The following MAGI2 variants were observed in gnomAD, a reference collection of about 807,000 sequenced individuals.
MAGI2 encodes the protein membrane-associated guanylate kinase, WW and PDZ domain-containing protein 2.
A neutral mutation model predicts 133.3 loss-of-function variants in MAGI2; 35 were observed. That is an observed-to-expected ratio of 0.26 (90% CI 0.20 to 0.35). MAGI2 has a LOEUF of 0.35. Ranked by LOEUF, MAGI2 falls within the 10% of genes least tolerant of loss-of-function variation. The probability of loss-of-function intolerance (pLI) is 1.00; values close to 1 mark genes in which losing one functional copy is unlikely to be tolerated. For synonymous variants in MAGI2, 729 were observed against 710.6 expected, an observed-to-expected ratio of 1.03 and a Z score of -0.41; for missense variants, 1,636 against 1,863.4, an observed-to-expected ratio of 0.88 and a Z score of 2.25.
chr7:78,975,067 G>C (rs1382373205), intron 2 of MAGI2, among the ~76,000 whole-genome samples: 1 of 151,662 alleles, frequency 6.6e-6, no homozygotes, highest in African/African-American at 2.4e-5. Context: ...GAAACAGGGA[G>C]TCCACTATGA....
intron 4 of MAGI2, 21 bp from the exon 5 acceptor site, chr7:78,501,808 G>A (rs1348635461): frequency 8.8e-6 from 14 of 1,592,098 alleles, no homozygotes; most frequent in East Asian, 4.5e-5. Flanking sequence ...ACAAGAGCAC[G>A]TGGTTAGTCA....
intron 2 of MAGI2, among the ~76,000 whole-genome samples, chr7:78,887,426 G>A (rs373891397): frequency 1.3e-4 from 20 of 152,302 alleles, no homozygotes; most frequent in East Asian, 1.9e-4. Context: ...GGAGCAAGCC[G>A]CAGTAATCAG....
chr7:78,057,977 G>GTATGTATATATA (rs1812776156), intron 21 of MAGI2, among the ~76,000 whole-genome samples: 2 of 106,612 alleles, frequency 1.9e-5, no homozygotes, highest in African/African-American at 6.7e-5. Flanking sequence ...ATATATATGT[G>GTATGTATATATA]TATATATATA....
chr7:78,785,596 G>A (rs1758313172), intron 2 of MAGI2, among the ~76,000 whole-genome samples: 1 of 152,056 alleles, frequency 6.6e-6, no homozygotes, highest in African/African-American at 2.4e-5. Context: ...TTAAAACTAT[G>A]TCATTTACTC....
intron 2 of MAGI2, among the ~76,000 whole-genome samples, chr7:78,671,627 C>T (rs906181798): frequency 3.9e-5 from 6 of 152,030 alleles, no homozygotes; most frequent in African/African-American, 1.4e-4. Flanking sequence ...ATAATCAATT[C>T]CCAAGGAAAT....
At chr7:79,276,690 G>T (rs1319103535) in intron 1 of MAGI2, among the ~76,000 whole-genome samples, 1 of 152,184 alleles carries the variant, frequency 6.6e-6, no homozygotes, top group Admixed American at 6.5e-5. Context: ...TACATAATAT[G>T]CAGTGGCTCA....
intron 1 of MAGI2, among the ~76,000 whole-genome samples, chr7:79,195,623 C>G (rs1331339458): frequency 2.6e-5 from 4 of 151,922 alleles, no homozygotes; most frequent in African/African-American, 9.7e-5. Flanking sequence ...TGCTCAACTG[C>G]CTTTCTGCCC....
chr7:78,235,017 GACTT>G (rs1292580258), intron 10 of MAGI2, among the ~76,000 whole-genome samples: 1 of 152,032 alleles, frequency 6.6e-6, no homozygotes, highest in Non-Finnish European at 1.5e-5. Flanking sequence ...GGGAATTTGA[GACTT>G]ACTTGGCAAA....
chr7:78,151,794 A>G (rs1478153708), intron 16 of MAGI2, among the ~76,000 whole-genome samples: 1 of 152,200 alleles, frequency 6.6e-6, no homozygotes, highest in African/African-American at 2.4e-5. Context: ...CCCATTGTCA[A>G]AAATATGTCA....
chr7:78,926,098 C>T (rs1799674087), intron 2 of MAGI2, among the ~76,000 whole-genome samples: 1 of 152,018 alleles, frequency 6.6e-6, no homozygotes, highest in African/African-American at 2.4e-5. Context: ...CTGTTCACCC[C>T]TACCCCAATG....
intron 2 of MAGI2, among the ~76,000 whole-genome samples, chr7:78,728,585 A>T (rs2151218672): frequency 3.7e-5 from 2 of 54,606 alleles, no homozygotes; most frequent in Non-Finnish European, 5.8e-5. Flanking sequence ...TTTTTTTTTG[A>T]GACGGAGTCT....
chr7:79,121,928 C>T (rs116915350), intron 1 of MAGI2, among the ~76,000 whole-genome samples: 3,133 of 152,100 alleles, frequency 0.021, 38 homozygotes, highest in Middle Eastern at 0.048. Context: ...ATTTCACATT[C>T]GATAATATAA....
At chr7:78,375,334 T>G (rs1037098022) in intron 6 of MAGI2, among the ~76,000 whole-genome samples, 2 of 152,060 alleles carry the variant, frequency 1.3e-5, no homozygotes, top group Admixed American at 6.6e-5. Context: ...AAATCTAGAG[T>G]CAGGCATTGT....
At chr7:78,857,506 A>G (rs530072247) in intron 2 of MAGI2, among the ~76,000 whole-genome samples, 3 of 152,276 alleles carry the variant, frequency 2.0e-5, no homozygotes, top group East Asian at 1.9e-4. Context: ...ATCTATTGAG[A>G]TAATCATGTG....
chr7:79,285,594 T>C (rs944773280), intron 1 of MAGI2, among the ~76,000 whole-genome samples: 12 of 152,122 alleles, frequency 7.9e-5, no homozygotes, highest in African/African-American at 2.7e-4. Flanking sequence ...TTCTGTCAAA[T>C]GCAGCACCTC....
At chr7:78,449,776 A>G (rs1006797433) in intron 6 of MAGI2, among the ~76,000 whole-genome samples, 3 of 152,100 alleles carry the variant, frequency 2.0e-5, no homozygotes, top group Non-Finnish European at 4.4e-5. Context: ...AGAGTTTGGT[A>G]TAGACATTAT....
At chr7:78,604,174 GTAGGGAAAGAATAT>G (rs1805534122) in intron 3 of MAGI2, among the ~76,000 whole-genome samples, 1 of 152,156 alleles carries the variant, frequency 6.6e-6, no homozygotes, top group Admixed American at 6.5e-5. Flanking sequence ...TAGGATTTAA[GTAGGGAAAGAATAT>G]TGGGGACAGG....
At chr7:78,385,429 A>G (rs1795292514) in intron 6 of MAGI2, among the ~76,000 whole-genome samples, 2 of 152,194 alleles carry the variant, frequency 1.3e-5, no homozygotes, top group Admixed American at 1.3e-4. Context: ...TTGAGAGATA[A>G]GGCAGGAAAA....
intron 1 of MAGI2, among the ~76,000 whole-genome samples, chr7:79,333,867 G>A (rs761924622): frequency 6.6e-6 from 1 of 152,146 alleles, no homozygotes; most frequent in Non-Finnish European, 1.5e-5. Context: ...GCAGGTCACT[G>A]TATTCTTCTA....
Sources: gnomAD v4.1 joint callset for allele counts (sites outside exome capture counted in the v4.1 genomes callset) on GRCh38, gnomAD v4.1.1 for gene constraint, MANE v1.5 for transcripts, NCBI Gene and HGNC (gene_info 2026-07-23, HGNC 2026-07-21) for gene names.